Variants in RRN3 observed in about 807,000 individuals in gnomAD.
RRN3 encodes the protein RNA polymerase I-specific transcription initiation factor RRN3.
Under a neutral mutation model 82.3 loss-of-function variants are expected in RRN3, and 38 were observed. The observed-to-expected ratio is 0.46, with a 90% CI of 0.36 to 0.61. RRN3 has a LOEUF of 0.61. Among genes scored for constraint, RRN3 ranks in the 20% least tolerant of loss-of-function variants. RRN3 has a pLI of 0.00. For missense variants in RRN3, 726 were observed against 793.1 expected, an observed-to-expected ratio of 0.92 and a Z score of 1.02; for synonymous variants, 284 against 284.3, an observed-to-expected ratio of 1.00 and a Z score of 0.01.
intron 1 of RRN3, 30 bp downstream of exon 1, chr16:15,094,115 A>G: frequency 6.4e-7 from 1 of 1,565,268 alleles, no homozygotes; most frequent in Non-Finnish European, 8.7e-7. Context: ...TTCGTCCCAG[A>G]TACGCAGAAG....
rs757649459 is a variant in RRN3, at chr16:15,068,200, A to C, written c.1522T>G (p.Ser508Ala). The C allele has an allele frequency of 1.9e-5, 31 of 1,597,064 alleles. No homozygotes were observed. Among genetic ancestry groups the C allele is most frequent in the African/African-American group, 6.8e-5 (5 of 73,798 alleles). ...ATTGCAGCAAAAAAGTTAACCACTG[A>C]GGGCAGGCAAATCTTCAGGGGATTT... ...QLNPLKICLP[S>A]VVNFFAAITN... is the part of the protein sequence containing the mutation. The change falls in exon 15 of 18, where the codon TCA (serine) becomes GCA (alanine). Residue 508 changes from serine to alanine, a missense_variant. Around this residue, in one of 4 missense-constraint regions of RRN3, gnomAD observed 81 missense variants for 156.4 expected, o/e 0.52. Coordinates refer to ENST00000198767, the MANE Select transcript of RRN3 (RefSeq NM_018427.5).
intron 6 of RRN3, 129 bp from the exon 7 acceptor site, chr16:15,084,834 G>C (rs1250385811): frequency 1.5e-6 from 1 of 686,310 alleles, no homozygotes; most frequent in South Asian, 1.6e-5. Context: ...GGGAGGCCGA[G>C]GTGGGTGGAT....
At position 15,071,017 on chromosome 16, in the gene RRN3, T is replaced by C. The variant is rs569520771; in HGVS notation, c.1259+104A>G. On this transcript the variant is annotated intron_variant, in intron 13 of 17. Coordinates refer to ENST00000198767, the MANE Select transcript of RRN3 (RefSeq NM_018427.5). ...CACAGAGTAGGGATTTTATTCACTT[T>C]AAAAACATGCCAAAAAAAATGGGAG... The C allele has an allele frequency of 8.6e-6, 9 of 1,041,124 alleles. No individual in the cohort carries two copies. In the East Asian group the frequency reaches 2.0e-4, roughly 23 times the overall value. The allele number at this position is 1,041,124 out of a possible 1,614,324, so 64.5% of individuals were successfully genotyped here.
At chr16:15,076,996 T>TTTA (rs2045486545) in intron 9 of RRN3, among the ~76,000 whole-genome samples, 3 of 151,164 alleles carry the variant, frequency 2.0e-5, no homozygotes, top group Admixed American at 6.6e-5. Context: ...TTTTTTTTTT[T>TTTA]GAGGCAGAGT....
chr16:15,091,280 T>G (rs752152204), intron 3 of RRN3, 35 bp downstream of exon 3: 14 of 1,604,082 alleles, frequency 8.7e-6, no homozygotes, highest in Middle Eastern at 2.3e-4. Flanking sequence ...ACAGTGGCAA[T>G]AATTTTGCTA....
chr16:15,078,175 G>T (rs1017636468), intron 9 of RRN3, among the ~76,000 whole-genome samples: 1 of 152,128 alleles, frequency 6.6e-6, no homozygotes, highest in African/African-American at 2.4e-5. Flanking sequence ...ATATACAGTT[G>T]GCCAGAGAGG....
At chr16:15,067,758 T>C (rs1353941770) in intron 15 of RRN3, among the ~76,000 whole-genome samples, 1 of 151,864 alleles carries the variant, frequency 6.6e-6, no homozygotes, top group Admixed American at 6.6e-5. Context: ...AAGGACTGGG[T>C]TGTTTTTGTT....
chr16:15,086,688 T>C (rs2045927431), intron 3 of RRN3, among the ~76,000 whole-genome samples: 1 of 152,198 alleles, frequency 6.6e-6, no homozygotes, highest in South Asian at 2.1e-4. Context: ...TTAAATGCAA[T>C]ACTTCAGCCT....
chr16:15,079,056 C>T (rs1398407658), intron 9 of RRN3, among the ~76,000 whole-genome samples: 2 of 152,062 alleles, frequency 1.3e-5, no homozygotes, highest in African/African-American at 4.8e-5. Flanking sequence ...GTGATCCGCC[C>T]GCCTCGGCCT....
At chr16:15,087,982 T>G (rs141608402) in intron 3 of RRN3, among the ~76,000 whole-genome samples, 3,951 of 152,060 alleles carry the variant, frequency 0.026, 78 homozygotes, top group East Asian at 0.059. Context: ...GGCGTGGTGG[T>G]GCATGCCCGT....
At chr16:15,071,006 T>G in intron 13 of RRN3, 115 bp downstream of exon 13, 1 of 851,194 alleles carries the variant, frequency 1.2e-6, no homozygotes, top group Non-Finnish European at 1.8e-6. Context: ...GAGTAGGGAT[T>G]TTATTCACTT....
chr16:15,075,021 G>T (rs567263801), intron 10 of RRN3, among the ~76,000 whole-genome samples, 160 bp from the exon 11 acceptor site: 5 of 152,188 alleles, frequency 3.3e-5, no homozygotes, highest in South Asian at 2.1e-4. Context: ...AAGCAGAGGT[G>T]GGGGGATCAC....
At chr16:15,063,035 G>A (rs1328284905) in intron 17 of RRN3, among the ~76,000 whole-genome samples, 161 bp downstream of exon 17, 1 of 152,144 alleles carries the variant, frequency 6.6e-6, no homozygotes, top group Non-Finnish European at 1.5e-5. Context: ...GTAGAAACAG[G>A]GTGTCACTGT....
intron 13 of RRN3, 119 bp from the exon 14 acceptor site, chr16:15,070,373 A>G (rs1044269042): frequency 2.0e-4 from 133 of 678,148 alleles, no homozygotes; most frequent in Middle Eastern, 1.3e-3. Context: ...GTTTCTTTAA[A>G]TAATACCCAT....
chr16:15,074,833 G>A lies in RRN3; in HGVS notation c.887C>T (p.Thr296Ile), dbSNP rs1196611169. The A allele has an allele frequency of 6.2e-7, 1 of 1,612,016 alleles. No homozygotes were observed. The highest frequency in any genetic ancestry group is 8.5e-7 in the Non-Finnish European group (1 of 1,179,246). ...MDEDEETEHE[T>I]KAGPERLDQM... ...GTCGAGCCGTTCAGGACCAGCCTTTGTTTCATGTTCAGTTTCTTCATCTTC... is the reference window on the plus strand; with the variant it reads ...GTCGAGCCGTTCAGGACCAGCCTTTATTTCATGTTCAGTTTCTTCATCTTC... Residue 296 changes from threonine (T) to isoleucine (I), a missense_variant, in exon 11 of 18, where the codon ACA (threonine) becomes ATA (isoleucine). Physicochemically the swap from Thr to Ile is moderately conservative, Grantham distance 89 (BLOSUM62 -1). This residue lies in a region of RRN3 where 344 missense variants were observed against 394.5 expected (regional missense o/e 0.87). Transcript: ENST00000198767.
intron 3 of RRN3, among the ~76,000 whole-genome samples, chr16:15,089,946 C>G (rs1166950712): frequency 1.3e-5 from 2 of 151,810 alleles, no homozygotes; most frequent in Non-Finnish European, 2.9e-5. Flanking sequence ...CAGTGGCTCA[C>G]ACTTGTAATC....
In RRN3 at chr16:15,060,154, A is replaced by C. The variant is rs1276358918; in HGVS notation, c.*1590T>G. On this transcript the variant is annotated 3_prime_UTR_variant, in exon 18 of 18. Transcript: ENST00000198767. ...TTGAAATTAAACAGACTTATATGTA[A>C]ATGTCTTTCTACATTAAAACTACTT... 1 of 418,842 alleles carries C rather than the reference A, an allele frequency of 2.4e-6. No homozygotes were observed. Among genetic ancestry groups the C allele is most frequent in the Non-Finnish European group, 4.7e-6 (1 of 212,040 alleles). 25.9% of individuals were successfully genotyped at this position (418,842 alleles called of 1,614,324 possible).
chr16:15,071,476 A>G (rs529614269), intron 12 of RRN3, among the ~76,000 whole-genome samples: 2 of 152,310 alleles, frequency 1.3e-5, no homozygotes, highest in Admixed American at 6.5e-5. Flanking sequence ...AAGCATCACA[A>G]TCAACCCGGG....
intron 1 of RRN3, 137 bp from the exon 2 acceptor site, chr16:15,092,751 A>T (rs191605707): frequency 1.6e-6 from 1 of 637,190 alleles, no homozygotes; most frequent in African/African-American, 1.8e-5. Context: ...TCCACTCTTA[A>T]CCAACAATCC....
Sources: gnomAD v4.1 joint callset for allele counts (sites outside exome capture counted in the v4.1 genomes callset) on GRCh38, gnomAD v4.1.1 for gene constraint, gnomAD v4.1.1 regional missense constraint, MANE v1.5 for transcripts, NCBI Gene and HGNC (gene_info 2026-07-23, HGNC 2026-07-21) for gene names.